The following STXBP5L variants were observed in gnomAD, a reference collection of about 807,000 sequenced individuals.
The protein encoded by STXBP5L is syntaxin-binding protein 5-like.
In STXBP5L, 65 loss-of-function variants were observed where a neutral mutation model predicts 144.5. The ratio of observed to expected loss-of-function variants is 0.45; its 90% CI spans 0.37 to 0.55. The LOEUF (loss-of-function observed/expected upper bound fraction) is 0.55. Among genes scored for constraint, STXBP5L ranks in the 20% least tolerant of loss-of-function variants. STXBP5L has a pLI of 0.00. For synonymous variants in STXBP5L, 505 were observed against 469.6 expected (o/e 1.08, Z -0.97); for missense variants, 1,298 against 1,405.5 (o/e 0.92, Z 1.22).
At chr3:121,218,075 TATATA>T (rs1212519757) in intron 10 of STXBP5L, among the ~76,000 whole-genome samples, 16 of 141,516 alleles carry the variant, frequency 1.1e-4, no homozygotes, top group East Asian at 4.0e-4. Context: ...CTATATACAG[TATATA>T]ATATAATATA....
intron 5 of STXBP5L, among the ~76,000 whole-genome samples, chr3:121,114,382 G>C (rs1576994453): frequency 6.6e-6 from 1 of 151,836 alleles, no homozygotes; most frequent in African/African-American, 2.4e-5. Context: ...TGTAGACATA[G>C]CTACCACTTC....
At chr3:121,397,196 AG>A (rs1210013746) in intron 22 of STXBP5L, among the ~76,000 whole-genome samples, 3 of 152,242 alleles carry the variant, frequency 2.0e-5, no homozygotes, top group Non-Finnish European at 4.4e-5. Context: ...TGCTCAGCTA[AG>A]GGGATAGTAA....
chr3:121,096,843 C>G (rs140591613), intron 5 of STXBP5L, among the ~76,000 whole-genome samples: 1 of 152,162 alleles, frequency 6.6e-6, no homozygotes, highest in African/African-American at 2.4e-5. Flanking sequence ...CTTGAGCAGG[C>G]AGTCTGATGG....
intron 20 of STXBP5L, among the ~76,000 whole-genome samples, chr3:121,321,395 A>C (rs2043964434): frequency 6.6e-6 from 1 of 152,240 alleles, no homozygotes; most frequent in African/African-American, 2.4e-5. Flanking sequence ...TTTCCATGAA[A>C]GAGAATGATA....
chr3:120,937,894 A>T (rs1168928072), intron 2 of STXBP5L, among the ~76,000 whole-genome samples: 2 of 152,138 alleles, frequency 1.3e-5, no homozygotes, highest in African/African-American at 4.8e-5. Context: ...GATACACAAT[A>T]ATAGGGGCAT....
At chr3:121,052,579 A>G (rs1229028696) in intron 5 of STXBP5L, among the ~76,000 whole-genome samples, 1 of 152,238 alleles carries the variant, frequency 6.6e-6, no homozygotes, top group Non-Finnish European at 1.5e-5. Flanking sequence ...CAAATTAGGT[A>G]TTGATGGGAC....
At chr3:121,121,332 TTCA>T (rs1462468219) in intron 6 of STXBP5L, among the ~76,000 whole-genome samples, 2 of 151,246 alleles carry the variant, frequency 1.3e-5, no homozygotes, top group Non-Finnish European at 3.0e-5. Flanking sequence ...TAAATAAAAA[TTCA>T]ATTAAAAAAA....
intron 5 of STXBP5L, among the ~76,000 whole-genome samples, chr3:121,090,379 C>G (rs998426909): frequency 1.3e-5 from 2 of 152,238 alleles, no homozygotes; most frequent in South Asian, 2.1e-4. Flanking sequence ...TTTTACCCCT[C>G]TTACAAGGAA....
Position 121,143,247 on chromosome 3 carries a change from A to G in STXBP5L, c.670-9230A>G, listed in dbSNP as rs558440128. Among the ~76,000 whole-genome samples the G allele has an allele frequency of 9.3e-5, 14 of 150,950 alleles. No individual in the cohort carries two copies. In the South Asian group the frequency reaches 2.4e-3, roughly 25 times the overall value. Reference sequence around the variant, plus strand: ...AGGAAAAGCTCAGGATGGCTTCACTAGTGAATTCTACCAAAAATTTGAAGA... The same window carrying G: ...AGGAAAAGCTCAGGATGGCTTCACTGGTGAATTCTACCAAAAATTTGAAGA... On this transcript the variant is annotated intron_variant, in intron 7 of 26. Coordinates refer to ENST00000471454, the MANE Select transcript of STXBP5L (RefSeq NM_001308330.2).
chr3:121,103,679 A>G (rs750216305), intron 5 of STXBP5L, among the ~76,000 whole-genome samples: 1 of 152,164 alleles, frequency 6.6e-6, no homozygotes, highest in Non-Finnish European at 1.5e-5. Flanking sequence ...AAATAAACAT[A>G]TATGAATATA....
chr3:120,994,191 G>T (rs1002235926), intron 3 of STXBP5L, among the ~76,000 whole-genome samples: 1 of 151,602 alleles, frequency 6.6e-6, no homozygotes, highest in Non-Finnish European at 1.5e-5. Context: ...AGAATTTTTT[G>T]GTGCAGTCTT....
intron 9 of STXBP5L, among the ~76,000 whole-genome samples, chr3:121,178,083 A>G (rs2047004506): frequency 6.6e-6 from 1 of 152,196 alleles, no homozygotes; most frequent in African/African-American, 2.4e-5. Context: ...TCAAATTCAC[A>G]GAGGCAAAAA....
At chr3:120,951,564 T>A (rs1711228485) in intron 2 of STXBP5L, among the ~76,000 whole-genome samples, 1 of 152,152 alleles carries the variant, frequency 6.6e-6, no homozygotes, top group South Asian at 2.1e-4. Flanking sequence ...ATGCTCACCA[T>A]CACTGGCCAT....
intron 22 of STXBP5L, among the ~76,000 whole-genome samples, chr3:121,386,842 G>T (rs1281872152): frequency 6.6e-6 from 1 of 152,168 alleles, no homozygotes; most frequent in Non-Finnish European, 1.5e-5. Context: ...CTTTGCTATT[G>T]TGAATAGTGC....
At chr3:121,233,564 T>G (rs1483735804) in intron 11 of STXBP5L, 52 bp from the exon 12 acceptor site, 1 of 1,415,600 alleles carries the variant, frequency 7.1e-7, no homozygotes, top group Non-Finnish European at 9.7e-7. Flanking sequence ...ATTTTGCTGA[T>G]TTTATAGTAT....
chr3:121,340,630 C>A (rs1302894677), intron 20 of STXBP5L, among the ~76,000 whole-genome samples: 2 of 152,020 alleles, frequency 1.3e-5, no homozygotes, highest in Non-Finnish European at 2.9e-5. Flanking sequence ...TGGTTTTCAA[C>A]TTCATCCATG....
intron 3 of STXBP5L, among the ~76,000 whole-genome samples, chr3:120,984,075 T>C (rs1048504497): frequency 4.6e-5 from 7 of 152,140 alleles, no homozygotes; most frequent in Non-Finnish European, 8.8e-5. Flanking sequence ...ATTCAGCCAC[T>C]CCACTCTCAG....
At chr3:121,153,145 GA>G (rs763557734) in intron 8 of STXBP5L, among the ~76,000 whole-genome samples, 2 of 151,950 alleles carry the variant, frequency 1.3e-5, no homozygotes, top group Non-Finnish European at 2.9e-5. Context: ...ATGTAATTGA[GA>G]CTTGATTAAG....
At chr3:121,400,837 G>T (rs2046854951) in intron 22 of STXBP5L, among the ~76,000 whole-genome samples, 1 of 152,094 alleles carries the variant, frequency 6.6e-6, no homozygotes, top group African/African-American at 2.4e-5. Context: ...ACTAGCTATT[G>T]TGTTTTTGCT....
Sources: allele counts gnomAD v4.1 joint callset (sites outside exome capture counted in the v4.1 genomes callset), GRCh38; gene constraint gnomAD v4.1.1; transcripts MANE v1.5; gene names NCBI Gene and HGNC (gene_info 2026-07-23, HGNC 2026-07-21).